Variants in PTPRD observed in about 807,000 individuals in gnomAD.
The protein encoded by PTPRD is protein tyrosine phosphatase receptor type D, also known as receptor-type tyrosine-protein phosphatase delta.
A neutral mutation model predicts 214.5 loss-of-function variants in PTPRD; 34 were observed. That is an observed-to-expected ratio of 0.16 (90% CI 0.12 to 0.21). PTPRD has a LOEUF of 0.21. Among genes scored for constraint, PTPRD ranks in the 10% least tolerant of loss-of-function variants. The pLI, the probability that PTPRD is intolerant of heterozygous loss-of-function variation, is 1.00. For synonymous variants in PTPRD, 1,128 were observed against 845.7 expected, an observed-to-expected ratio of 1.33 and a Z score of -5.79; for missense variants, 2,545 against 2,398.7, an observed-to-expected ratio of 1.06 and a Z score of -1.27.
chr9:8,546,263 A>G (rs2080112929), intron 14 of PTPRD, among the ~76,000 whole-genome samples: 1 of 152,166 alleles, frequency 6.6e-6, no homozygotes, highest in African/African-American at 2.4e-5. Flanking sequence ...AGAAACCAGG[A>G]CTGTTTTCTC....
chr9:9,401,018 G>A (rs954586850), intron 8 of PTPRD, among the ~76,000 whole-genome samples: 1 of 151,814 alleles, frequency 6.6e-6, no homozygotes, highest in Non-Finnish European at 1.5e-5. Flanking sequence ...ATGATTTGTT[G>A]GAAAATACAG....
intron 8 of PTPRD, among the ~76,000 whole-genome samples, chr9:9,460,930 C>T (rs943171436): frequency 9.2e-5 from 14 of 152,088 alleles, no homozygotes; most frequent in South Asian, 2.1e-4. Flanking sequence ...CCTAAGTGTC[C>T]GTCAGTGGTT....
chr9:8,989,032 G>C (rs1001190042), intron 11 of PTPRD, among the ~76,000 whole-genome samples: 7 of 151,960 alleles, frequency 4.6e-5, no homozygotes, highest in Admixed American at 3.9e-4. Flanking sequence ...AATATTAGTA[G>C]TTGTTTTGAG....
intron 5 of PTPRD, among the ~76,000 whole-genome samples, chr9:9,887,738 C>T (rs983102950): frequency 2.0e-5 from 3 of 151,968 alleles, no homozygotes; most frequent in Admixed American, 2.0e-4. Context: ...TTAGAGAAAG[C>T]TAAATATACT....
chr9:8,656,076 G>T (rs1463050403), intron 12 of PTPRD, among the ~76,000 whole-genome samples: 2 of 151,946 alleles, frequency 1.3e-5, no homozygotes, highest in African/African-American at 2.4e-5. Context: ...AGCCTTTTAT[G>T]AAAAAAACAT....
chr9:9,979,463 T>C (rs992083410), intron 4 of PTPRD, among the ~76,000 whole-genome samples: 4 of 151,908 alleles, frequency 2.6e-5, no homozygotes, highest in Admixed American at 6.6e-5. Flanking sequence ...AGGGAGACAT[T>C]TCAATAAATA....
chr9:10,304,665 C>T (rs1015801647), intron 3 of PTPRD, among the ~76,000 whole-genome samples: 1 of 151,884 alleles, frequency 6.6e-6, no homozygotes, highest in Non-Finnish European at 1.5e-5. Context: ...ACAATTTTTA[C>T]AAAGAGAAAA....
chr9:9,642,307 C>A (rs1464881556), intron 7 of PTPRD, among the ~76,000 whole-genome samples: 6 of 146,034 alleles, frequency 4.1e-5, no homozygotes, highest in Non-Finnish European at 9.0e-5. Context: ...GGAGATATAC[C>A]TAAGGCTAGA....
At chr9:10,130,735 T>C (rs114347524) in intron 3 of PTPRD, among the ~76,000 whole-genome samples, 284 of 152,186 alleles carry the variant, frequency 1.9e-3, no homozygotes, top group African/African-American at 6.4e-3. Flanking sequence ...AGAAAGGGTA[T>C]TATGCTAAAG....
At chr9:8,491,086 C>T (rs1485421596) in intron 27 of PTPRD, among the ~76,000 whole-genome samples, 4 of 152,346 alleles carry the variant, frequency 2.6e-5, no homozygotes, top group East Asian at 1.9e-4. Context: ...ACTAGAGCTT[C>T]GCTCTTAAAG....
At chr9:9,763,217 G>T (rs552020116) in intron 6 of PTPRD, among the ~76,000 whole-genome samples, 92 of 152,182 alleles carry the variant, frequency 6.0e-4, no homozygotes, top group African/African-American at 2.1e-3. Context: ...AAAGTTTCAA[G>T]AAAAAATAGA....
chr9:9,588,827 G>A (rs965445653), intron 7 of PTPRD, among the ~76,000 whole-genome samples: 5 of 151,872 alleles, frequency 3.3e-5, no homozygotes, highest in African/African-American at 1.2e-4. Flanking sequence ...GAATTATTAA[G>A]AGCCAGAGCT....
intron 8 of PTPRD, among the ~76,000 whole-genome samples, chr9:9,471,286 G>A (rs1050802316): frequency 1.3e-5 from 2 of 152,098 alleles, no homozygotes; most frequent in African/African-American, 4.8e-5. Flanking sequence ...ATGAATGAAG[G>A]CCAAAGGAAA....
At chr9:10,536,463 T>C (rs567964491) in intron 2 of PTPRD, among the ~76,000 whole-genome samples, 1 of 152,168 alleles carries the variant, frequency 6.6e-6, no homozygotes, top group Non-Finnish European at 1.5e-5. Context: ...ATCCATACAT[T>C]TATTATTTTC....
intron 5 of PTPRD, among the ~76,000 whole-genome samples, chr9:9,822,031 C>G (rs1676670588): frequency 2.0e-5 from 3 of 151,502 alleles, no homozygotes; most frequent in Non-Finnish European, 4.4e-5. Context: ...ATCACCTTAT[C>G]TGTACATTTG....
At chr9:8,799,196 T>C (rs2096518206) in intron 11 of PTPRD, among the ~76,000 whole-genome samples, 1 of 152,226 alleles carries the variant, frequency 6.6e-6, no homozygotes, top group Non-Finnish European at 1.5e-5. Context: ...CATGTATTTA[T>C]TTACACAGAT....
At chr9:8,916,445 G>A (rs893283229) in intron 11 of PTPRD, among the ~76,000 whole-genome samples, 1 of 152,130 alleles carries the variant, frequency 6.6e-6, no homozygotes, top group Non-Finnish European at 1.5e-5. Context: ...AGAGGATGGG[G>A]TAAGTGGGGG....
At chr9:8,783,500 A>G (rs1401238295) in intron 11 of PTPRD, among the ~76,000 whole-genome samples, 2 of 152,230 alleles carry the variant, frequency 1.3e-5, no homozygotes, top group Non-Finnish European at 2.9e-5. Context: ...AATAAATACT[A>G]TTACTTGACA....
At chr9:10,091,103 G>C (rs2098424932) in intron 3 of PTPRD, among the ~76,000 whole-genome samples, 1 of 150,896 alleles carries the variant, frequency 6.6e-6, no homozygotes, top group Non-Finnish European at 1.5e-5. Flanking sequence ...TTCTTAACAG[G>C]AAAAAATTAA....
Sources: allele counts gnomAD v4.1 joint callset (sites outside exome capture counted in the v4.1 genomes callset), GRCh38; gene constraint gnomAD v4.1.1; transcripts MANE v1.5; gene names NCBI Gene and HGNC (gene_info 2026-07-23, HGNC 2026-07-21).